CSTPP1: variants seen among roughly 807,000 people sequenced by gnomAD.
CSTPP1 encodes UPF0705 protein C11orf49.
chr11:46,983,951 A>G, the CSTPP1 span, among the ~76,000 whole-genome samples: 1 of 152,244 alleles, frequency 6.6e-6, no homozygotes, highest in Non-Finnish European at 1.5e-5. Context: ...TACTTTGCGA[A>G]CTAGGAATGG....
the CSTPP1 span, among the ~76,000 whole-genome samples, chr11:47,162,989 G>A: frequency 2.1e-4 from 32 of 152,106 alleles, 1 homozygote; most frequent in East Asian, 5.8e-3. Context: ...GGACCACCCT[G>A]GGAAACATAG....
At chr11:46,958,144 T>C in the CSTPP1 span, among the ~76,000 whole-genome samples, 36 of 152,258 alleles carry the variant, frequency 2.4e-4, no homozygotes, top group Non-Finnish European at 4.6e-4. Context: ...TTTCTCCTTG[T>C]GATTTTCTTT....
the CSTPP1 span, among the ~76,000 whole-genome samples, chr11:47,148,026 A>G: frequency 1.3e-5 from 2 of 152,254 alleles, no homozygotes; most frequent in Non-Finnish European, 2.9e-5. Flanking sequence ...GGGCAGAGCA[A>G]TGACCTGGAC....
the CSTPP1 span, among the ~76,000 whole-genome samples, chr11:47,151,305 C>G: frequency 6.6e-6 from 1 of 151,330 alleles, no homozygotes; most frequent in Non-Finnish European, 1.5e-5. Context: ...CAGTACTACT[C>G]GGGAGGCTGA....
At chr11:47,082,944 G>T in the CSTPP1 span, among the ~76,000 whole-genome samples, 1 of 152,138 alleles carries the variant, frequency 6.6e-6, no homozygotes. Context: ...AGGTAAATGT[G>T]TGCCATAGTG....
At chr11:46,959,774 G>T in the CSTPP1 span, among the ~76,000 whole-genome samples, 1 of 151,350 alleles carries the variant, frequency 6.6e-6, no homozygotes, top group South Asian at 2.1e-4. Context: ...TTTCTTATCT[G>T]CTGCCATCTT....
chr11:47,099,336 T>A, the CSTPP1 span, among the ~76,000 whole-genome samples: 1 of 152,174 alleles, frequency 6.6e-6, no homozygotes, highest in Non-Finnish European at 1.5e-5. Flanking sequence ...TTCTGAATTT[T>A]CCCATTTAGT....
chr11:47,111,577 C>G, the CSTPP1 span, among the ~76,000 whole-genome samples: 2 of 152,136 alleles, frequency 1.3e-5, no homozygotes, highest in Admixed American at 6.6e-5. Context: ...CCACTCCTTC[C>G]CTGTCTTTTA....
At chr11:47,041,674 G>A in the CSTPP1 span, 79 of 469,090 alleles carry the variant, frequency 1.7e-4, 17 homozygotes, top group South Asian at 1.4e-3. Context: ...CAGCTATGCT[G>A]CACCCTGGCT....
At chr11:47,161,341 T>C in the CSTPP1 span, 3 of 1,583,386 alleles carry the variant, frequency 1.9e-6, no homozygotes. Flanking sequence ...GAGGTGTCCC[T>C]CCCTCTGAGT....
At chr11:47,058,101 A>G in the CSTPP1 span, among the ~76,000 whole-genome samples, 4 of 152,218 alleles carry the variant, frequency 2.6e-5, no homozygotes, top group Admixed American at 2.6e-4. Flanking sequence ...TGGGAGGCCA[A>G]GGCAAGTGGA....
At chr11:47,014,283 G>C in the CSTPP1 span, among the ~76,000 whole-genome samples, 25 of 148,946 alleles carry the variant, frequency 1.7e-4, no homozygotes, top group Admixed American at 1.7e-3. Flanking sequence ...GAAAAGAAAG[G>C]AAGGAGGGAG....
chr11:47,079,041 T>C, the CSTPP1 span, among the ~76,000 whole-genome samples: 1 of 152,046 alleles, frequency 6.6e-6, no homozygotes, highest in Non-Finnish European at 1.5e-5. Context: ...CATTCCAGGG[T>C]TCAAAAACTT....
chr11:47,146,262 G>A, the CSTPP1 span, among the ~76,000 whole-genome samples: 1 of 151,438 alleles, frequency 6.6e-6, no homozygotes, highest in Admixed American at 6.6e-5. Flanking sequence ...CTACTTGGGA[G>A]GTTGAGGCAG....
chr11:47,104,711 G>A, the CSTPP1 span, among the ~76,000 whole-genome samples: 1 of 152,152 alleles, frequency 6.6e-6, no homozygotes, highest in Non-Finnish European at 1.5e-5. Context: ...CACAGCCTTG[G>A]TATGAGGTAC....
At chr11:47,119,602 CTTTTTTTTT>C in the CSTPP1 span, among the ~76,000 whole-genome samples, 7 of 61,906 alleles carry the variant, frequency 1.1e-4, no homozygotes, top group South Asian at 3.3e-3. Context: ...CTGCCCACTT[CTTTTTTTTT>C]TTTTTTTTTT....
chr11:47,058,683 G>A, the CSTPP1 span, among the ~76,000 whole-genome samples: 1 of 152,102 alleles, frequency 6.6e-6, no homozygotes, highest in African/African-American at 2.4e-5. Context: ...TATGTGTTAG[G>A]TAGATGCTAT....
At chr11:47,090,601 A>G in the CSTPP1 span, among the ~76,000 whole-genome samples, 2 of 152,350 alleles carry the variant, frequency 1.3e-5, no homozygotes, top group East Asian at 3.9e-4. Context: ...CACAGCCTGC[A>G]CTGTGAGTAA....
the CSTPP1 span, among the ~76,000 whole-genome samples, chr11:46,954,802 C>A: frequency 1.8e-4 from 25 of 137,960 alleles, no homozygotes; most frequent in South Asian, 5.8e-3. Flanking sequence ...CATTTTCTTT[C>A]TTTTTTTTTT....
Sources: gnomAD v4.1 joint callset for allele counts (sites outside exome capture counted in the v4.1 genomes callset) on GRCh38, gnomAD v4.1.1 for gene constraint, MANE v1.5 for transcripts, NCBI Gene and HGNC (gene_info 2026-07-23, HGNC 2026-07-21) for gene names.